Variants in DPH5 observed in about 807,000 individuals in gnomAD.
DPH5 encodes the protein diphthine methyl ester synthase.
DPH5 carries 31 observed loss-of-function variants against 31.6 expected under a neutral mutation model. The ratio of observed to expected loss-of-function variants is 0.98; its 90% CI spans 0.74 to 1.32. The LOEUF (loss-of-function observed/expected upper bound fraction) is 1.32, where lower values mean the gene tolerates loss of function less well. Ranked by LOEUF, DPH5 falls within the 40% of genes most tolerant of loss-of-function variation. DPH5 has a pLI of 0.00. For missense variants in DPH5, 309 were observed against 335.7 expected (o/e 0.92, Z 0.62); for synonymous variants, 120 against 115.0 (o/e 1.04, Z -0.28).
At chr1:100,994,637 G>A (rs999351831) in intron 6 of DPH5, among the ~76,000 whole-genome samples, 5 of 150,440 alleles carry the variant, frequency 3.3e-5, no homozygotes, top group South Asian at 2.1e-4. Flanking sequence ...AGCGATTCTC[G>A]TGCCTCAACC....
At chr1:101,012,992 G>A (rs891045752) in intron 4 of DPH5, among the ~76,000 whole-genome samples, 8 of 152,104 alleles carry the variant, frequency 5.3e-5, no homozygotes, top group African/African-American at 1.9e-4. Flanking sequence ...CTTCTAAGAT[G>A]CATGTTGTTT....
At chr1:100,996,027 G>A (rs930723420) in intron 5 of DPH5, 2 of 152,058 alleles carry the variant, frequency 1.3e-5, no homozygotes, top group African/African-American at 4.8e-5. Flanking sequence ...GAGTTTGCTT[G>A]GAAATTATAG....
At chr1:101,009,089 A>G (rs1659451863) in intron 4 of DPH5, among the ~76,000 whole-genome samples, 1 of 152,200 alleles carries the variant, frequency 6.6e-6, no homozygotes, top group Non-Finnish European at 1.5e-5. Context: ...TTTAACATAC[A>G]TGTATTTAAT....
chr1:101,006,690 T>C (rs979111962), intron 4 of DPH5, among the ~76,000 whole-genome samples: 1 of 151,988 alleles, frequency 6.6e-6, no homozygotes, highest in African/African-American at 2.4e-5. Context: ...ACGATAAGAA[T>C]CACTACAAGG....
intron 3 of DPH5, among the ~76,000 whole-genome samples, chr1:101,014,733 T>C (rs1659944836): frequency 6.6e-6 from 1 of 152,220 alleles, no homozygotes; most frequent in South Asian, 2.1e-4. Flanking sequence ...GTGGAACCTC[T>C]TTCAAAACTG....
chr1:100,998,414 C>T (rs1418946164), intron 5 of DPH5, among the ~76,000 whole-genome samples: 1 of 151,156 alleles, frequency 6.6e-6, no homozygotes, highest in East Asian at 1.9e-4. Context: ...GAGGCTGAGG[C>T]AGGAGAATTG....
At chr1:101,014,944 CAT>C (rs1381796533) in intron 3 of DPH5, among the ~76,000 whole-genome samples, 4 of 152,186 alleles carry the variant, frequency 2.6e-5, no homozygotes, top group African/African-American at 9.7e-5. Context: ...GTAATTCCTT[CAT>C]ATCTTCAGGC....
chr1:100,998,459 A>G (rs1658563658), intron 5 of DPH5, among the ~76,000 whole-genome samples: 1 of 151,340 alleles, frequency 6.6e-6, no homozygotes, highest in Admixed American at 6.6e-5. Flanking sequence ...CAGTGAGCCG[A>G]GACTGCACTA....
intron 4 of DPH5, among the ~76,000 whole-genome samples, chr1:101,005,479 T>C (rs1465139412): frequency 1.3e-5 from 2 of 152,210 alleles, no homozygotes; most frequent in African/African-American, 4.8e-5. Context: ...TGATGTAACA[T>C]TGATTTTTGA....
intron 3 of DPH5, among the ~76,000 whole-genome samples, chr1:101,017,199 A>C (rs571753445): frequency 2.0e-5 from 3 of 152,374 alleles, no homozygotes; most frequent in South Asian, 4.1e-4. Context: ...TCAATTTTTA[A>C]AAAATGCAAT....
chr1:101,014,376 T>C (rs1330991880), intron 3 of DPH5, among the ~76,000 whole-genome samples: 1 of 152,220 alleles, frequency 6.6e-6, no homozygotes, highest in Admixed American at 6.5e-5. Flanking sequence ...TTAATTTTTT[T>C]GGTTTCTTAG....
chr1:101,013,086 T>C (rs1002535227), intron 4 of DPH5, among the ~76,000 whole-genome samples: 1 of 152,194 alleles, frequency 6.6e-6, no homozygotes, highest in African/African-American at 2.4e-5. Flanking sequence ...GCAGCAGTCA[T>C]AGTTGTCATG....
chr1:101,013,602 A>G (rs1300578643), intron 4 of DPH5, 108 bp downstream of exon 4: 4 of 765,130 alleles, frequency 5.2e-6, no homozygotes. Flanking sequence ...AGTATCAAAT[A>G]GTAGTATGTT....
At chr1:100,992,074 C>T (rs897162968) in intron 7 of DPH5, among the ~76,000 whole-genome samples, 10 of 149,984 alleles carry the variant, frequency 6.7e-5, no homozygotes, top group East Asian at 1.9e-4. Context: ...CTCCAGCCTG[C>T]GTGACAAAGT....
chr1:100,990,273 G>A lies in DPH5; in HGVS notation c.*135C>T. ...ATAGCATGAGGGAAACTGCCCCCAT[G>A]ATTCAATTACCTACCACAACACCTG... On this transcript the variant is annotated 3_prime_UTR_variant, in exon 8 of 8. Transcript: ENST00000370109. The A allele has an allele frequency of 1.3e-6, 1 of 769,128 alleles. No individual in the cohort carries two copies. The highest frequency in any genetic ancestry group is 1.7e-5 in the South Asian group (1 of 58,424). The allele number at this position is 769,128 out of a possible 1,614,324, so 47.6% of individuals were successfully genotyped here.
Position 101,013,741 on chromosome 1 carries a change from A to G in DPH5, c.338T>C (p.Ile113Thr). 6.2e-7 allele frequency: 1 copy of G among 1,612,560 alleles called. No individual in the cohort carries two copies. The highest frequency in any genetic ancestry group is 8.5e-7 in the Non-Finnish European group (1 of 1,179,096). Residue 113 changes from isoleucine (I) to threonine (T), a missense_variant, in exon 4 of 8, where the codon ATA becomes ACA. Ile to Thr is a moderately conservative substitution (Grantham distance 89). Coordinates refer to ENST00000370109, the MANE Select transcript of DPH5 (RefSeq NM_015958.3). ...IPYRVIHNAS[I>T]MNAVGCCGLQ... The stretch of plus-strand genomic sequence containing the variant: ...ACCACAGCAGCCTACAGCATTCATT[A>G]TGGAGGCATTGTGAATAACTCTATA...
chr1:101,010,468 A>G (rs974492263), intron 4 of DPH5, among the ~76,000 whole-genome samples: 1 of 152,222 alleles, frequency 6.6e-6, no homozygotes, highest in African/African-American at 2.4e-5. Flanking sequence ...CTACAAAGGT[A>G]ATGAACAATA....
rs1305188839 is a variant in DPH5 at position 100,992,621 on chromosome 1, C to A, written c.634+16G>T. The A allele has an allele frequency of 6.3e-7, 1 of 1,587,174 alleles. No individual in the cohort carries two copies. The highest frequency in any genetic ancestry group is 8.7e-7 in the Non-Finnish European group (1 of 1,155,686). Reference sequence around the variant, plus strand: ...ACAGAGGAATAATATGAGAGCCCTTCTAGTGTCTTGAGTACCTGGTTCTTC... The same window carrying A: ...ACAGAGGAATAATATGAGAGCCCTTATAGTGTCTTGAGTACCTGGTTCTTC... On this transcript the variant is annotated intron_variant, in intron 7 of 7. Coordinates refer to ENST00000370109, the MANE Select transcript of DPH5 (RefSeq NM_015958.3).
intron 5 of DPH5, among the ~76,000 whole-genome samples, chr1:100,997,623 C>T (rs1199672548): frequency 6.6e-6 from 1 of 152,186 alleles, no homozygotes; most frequent in Non-Finnish European, 1.5e-5. Context: ...CCTCAGCCTC[C>T]CAAAGTGCTG....
Sources: allele counts gnomAD v4.1 joint callset (sites outside exome capture counted in the v4.1 genomes callset), GRCh38; gene constraint gnomAD v4.1.1; transcripts MANE v1.5; gene names NCBI Gene and HGNC (gene_info 2026-07-23, HGNC 2026-07-21).